Variants in DHX29 observed in about 807,000 individuals in gnomAD.
DHX29 encodes DExH-box helicase 29, also known as ATP-dependent RNA helicase DHX29.
In DHX29, 79 loss-of-function variants were observed where a neutral mutation model predicts 167.9. That is an observed-to-expected ratio of 0.47 (90% CI 0.39 to 0.57). The LOEUF is 0.57. DHX29 is among the 20% of genes least tolerant of loss of function. The probability of loss-of-function intolerance (pLI) is 0.00; values close to 1 mark genes in which losing one functional copy is unlikely to be tolerated. For synonymous variants in DHX29, 530 were observed against 546.0 expected (o/e 0.97, Z 0.41); for missense variants, 1,347 against 1,593.4 (o/e 0.85, Z 2.63).
At position 55,274,916 on chromosome 5, in the gene DHX29, T is replaced by G; in HGVS notation, c.2522A>C (p.Asn841Thr). Residue 841 changes from asparagine to threonine, a missense_variant, in exon 15 of 27, where the codon AAT becomes ACT. This residue lies in a region of DHX29 where 882 missense variants were observed against 1,082.4 expected (regional missense o/e 0.81). Transcript: ENST00000251636. ...GAGATCCAGGTTGATTTTATGAGGATTCATGTATAGAATAGCATGCTGAGT... is the reference window on the plus strand; with the variant it reads ...GAGATCCAGGTTGATTTTATGAGGAGTCATGTATAGAATAGCATGCTGAGT... ...SRTQHAILYM[N>T]PHKINLDLIL... The G allele has an allele frequency of 1.9e-6, 3 of 1,613,798 alleles. No homozygotes were observed. The highest frequency in any genetic ancestry group is 2.5e-6 in the Non-Finnish European group (3 of 1,179,878).
rs1039026852 is a variant in DHX29 at position 55,267,065 on chromosome 5, G to A, written c.3525+73C>T. ...TTACTATGTGACAAGTATTTTCCTAGGCATTCTTTTTTCCAGAATAACTTA... is the reference window on the plus strand; with the variant it reads ...TTACTATGTGACAAGTATTTTCCTAAGCATTCTTTTTTCCAGAATAACTTA... On this transcript the variant is annotated intron_variant, in intron 23 of 26. Transcript: ENST00000251636. 2.5e-5 allele frequency: 24 copies of A among 948,184 alleles called. No individual in the cohort carries two copies. The African/African-American group carries it at 4.0e-4, about 16-fold the overall frequency. The allele number at this position is 948,184 out of a possible 1,614,324, so 58.7% of individuals were successfully genotyped here.
intron 1 of DHX29, among the ~76,000 whole-genome samples, chr5:55,303,213 T>C (rs1005515415): frequency 6.6e-6 from 1 of 152,190 alleles, no homozygotes; most frequent in Non-Finnish European, 1.5e-5. Flanking sequence ...GCAATGCTAA[T>C]GACCCACTAT....
intron 17 of DHX29, 89 bp downstream of exon 17, chr5:55,273,204 A>T: frequency 7.3e-7 from 1 of 1,368,192 alleles, no homozygotes; most frequent in Non-Finnish European, 9.7e-7. Context: ...ACTTAATGTT[A>T]ACAACTGTCT....
intron 16 of DHX29, among the ~76,000 whole-genome samples, chr5:55,274,158 C>A (rs1425162442): frequency 6.6e-6 from 1 of 151,140 alleles, no homozygotes; most frequent in East Asian, 1.9e-4. Flanking sequence ...CTTTGGTAGG[C>A]CATGGTGAGA....
In DHX29 at chr5:55,274,916, T is replaced by C. The variant is rs753829119; in HGVS notation, c.2522A>G (p.Asn841Ser). The C allele has an allele frequency of 3.5e-5, 56 of 1,613,680 alleles. No individual in the cohort carries two copies. The East Asian group carries it at 6.7e-4, about 19-fold the overall frequency. Residue 841 changes from asparagine (N) to serine (S), a missense_variant, in exon 15 of 27, where the codon AAT becomes AGT. By Grantham distance (46) the Asn-to-Ser change is conservative. This residue lies in a region of DHX29 where 882 missense variants were observed against 1,082.4 expected (regional missense o/e 0.81). Coordinates refer to ENST00000251636, the MANE Select transcript of DHX29 (RefSeq NM_019030.4). ...SRTQHAILYM[N>S]PHKINLDLIL... Reference sequence around the variant, plus strand: ...GAGATCCAGGTTGATTTTATGAGGATTCATGTATAGAATAGCATGCTGAGT... The same window carrying C: ...GAGATCCAGGTTGATTTTATGAGGACTCATGTATAGAATAGCATGCTGAGT...
intron 12 of DHX29, among the ~76,000 whole-genome samples, chr5:55,277,786 A>T (rs1747195598): frequency 6.6e-6 from 1 of 151,692 alleles, no homozygotes; most frequent in South Asian, 2.1e-4. Flanking sequence ...TGCACCTGTA[A>T]TCCCAGCTAC....
intron 8 of DHX29, 127 bp downstream of exon 8, chr5:55,289,143 T>TAAAG (rs1469350650): frequency 9.5e-7 from 1 of 1,057,614 alleles, no homozygotes; most frequent in African/African-American, 1.7e-5. Context: ...AGACAGCTTA[T>TAAAG]AAAGTGTAAC....
intron 23 of DHX29, among the ~76,000 whole-genome samples, chr5:55,263,908 T>A (rs1203953933): frequency 2.0e-5 from 3 of 151,024 alleles, no homozygotes; most frequent in Non-Finnish European, 3.0e-5. Context: ...AAAAGCAGTG[T>A]GTCAAATATG....
intron 23 of DHX29, among the ~76,000 whole-genome samples, chr5:55,263,228 T>G (rs1049762028): frequency 6.6e-6 from 1 of 152,144 alleles, no homozygotes; most frequent in Non-Finnish European, 1.5e-5. Context: ...TCTACTTCCA[T>G]AGTAGCTCTC....
In DHX29 at chr5:55,307,457, C is replaced by T. The variant is rs760440700; in HGVS notation, c.117G>A (p.Lys39=). Residue 39 remains lysine (K), a synonymous_variant, in exon 1 of 27, where the codon AAG becomes AAA. Coordinates refer to ENST00000251636, the MANE Select transcript of DHX29 (RefSeq NM_019030.4). ...CGGTGGCCGGCCTGGACACTGGCTT[C>T]TTGCTTTGGGCCTCCCCGGCAATTC... ...EAGIAGEAQS[K]KPVSRPATAA... is the part of the protein sequence containing the mutation. 5 of 1,613,500 alleles carry T rather than the reference C, an allele frequency of 3.1e-6. No homozygotes were observed. The highest frequency in any genetic ancestry group is 4.2e-6 in the Non-Finnish European group (5 of 1,179,956).
chr5:55,289,115 ATTG>A, intron 8 of DHX29, 152 bp downstream of exon 8: 1 of 808,296 alleles, frequency 1.2e-6, no homozygotes, highest in Non-Finnish European at 1.7e-6. Context: ...TGTAATCATA[ATTG>A]TTAATACTTT....
chr5:55,261,609 C>A (rs1286057537), intron 24 of DHX29, 110 bp from the exon 25 acceptor site: 10 of 756,804 alleles, frequency 1.3e-5, no homozygotes, highest in Non-Finnish European at 1.8e-5. Context: ...ACATTTTAAG[C>A]TCAGAGTATT....
At chr5:55,285,990 C>T in intron 8 of DHX29, 129 bp from the exon 9 acceptor site, 1 of 650,926 alleles carries the variant, frequency 1.5e-6, no homozygotes, top group Non-Finnish European at 2.3e-6. Context: ...TGCAGTGGCT[C>T]ATGCCTGTAA....
rs573798098 is a variant in DHX29 at position 55,267,308 on chromosome 5, C to A, written c.3432-77G>T. 5.5e-5 allele frequency: 58 copies of A among 1,047,526 alleles called. 1 individual carries two copies. In the African/African-American group the frequency reaches 8.9e-4, roughly 16 times the overall value. 64.9% of individuals were successfully genotyped at this position (1,047,526 alleles called of 1,614,324 possible). A position where few individuals can be genotyped will look rare whatever the true frequency, so the allele number is the denominator to read the frequency against. On this transcript the variant is annotated intron_variant, in intron 22 of 26. Transcript: ENST00000251636. ...CAAACTCTTTTTCAGAGCTAGTAAC[C>A]AAAGTAAGATTTAATTAAATTATAA...
rs779473278 is a variant in DHX29, at chr5:55,259,960, G to T, written c.3961-16C>A. 1.3e-6 allele frequency: 2 copies of T among 1,491,238 alleles called. No homozygotes were observed. The highest frequency in any genetic ancestry group is 4.5e-5 in the East Asian group (2 of 43,978). 92.4% of individuals were successfully genotyped at this position (1,491,238 alleles called of 1,614,324 possible). On this transcript the variant is annotated splice_polypyrimidine_tract_variant and intron_variant, in intron 25 of 26. Transcript: ENST00000251636. ...TTACAGGGGCCTGTTAAGAGGAGTT[G>T]AAAAAATGGACAAAGTCAATCCAGG...
At chr5:55,288,493 G>C (rs2111922050) in intron 8 of DHX29, among the ~76,000 whole-genome samples, 1 of 151,156 alleles carries the variant, frequency 6.6e-6, no homozygotes, top group African/African-American at 2.4e-5. Flanking sequence ...ATAGTTTTTA[G>C]AAGACCATTC....
At chr5:55,262,584 G>T in intron 24 of DHX29, 46 bp downstream of exon 24, 1 of 1,581,404 alleles carries the variant, frequency 6.3e-7, no homozygotes, top group Non-Finnish European at 8.6e-7. Flanking sequence ...TGAATGACTT[G>T]CAGAATAATG....
chr5:55,261,467 A>G lies in DHX29; in HGVS notation c.3861T>C (p.Thr1287=), dbSNP rs1390339594. 1 of 1,574,360 alleles carries G rather than the reference A, an allele frequency of 6.4e-7. No individual in the cohort carries two copies. Among genetic ancestry groups the G allele is most frequent in the Non-Finnish European group, 8.7e-7 (1 of 1,144,416 alleles). Residue 1287 remains threonine, a synonymous_variant, in exon 25 of 27, where the codon ACT becomes ACC. Transcript: ENST00000251636. ...IRYARVYLRE[T]TLITPFPVLL... ...AAACTGGAAAAGGGGTTATTAGGGTAGTTTCTCTCAAATACACTCTGGCAT... is the reference window on the plus strand; with the variant it reads ...AAACTGGAAAAGGGGTTATTAGGGTGGTTTCTCTCAAATACACTCTGGCAT...
At chr5:55,273,516 A>C in intron 16 of DHX29, 139 bp from the exon 17 acceptor site, 1 of 1,104,324 alleles carries the variant, frequency 9.1e-7, no homozygotes, top group Non-Finnish European at 1.2e-6. Context: ...AAGTGTTTAC[A>C]GAATTGTACA....
Sources: allele counts gnomAD v4.1 joint callset (sites outside exome capture counted in the v4.1 genomes callset), GRCh38; gene constraint gnomAD v4.1.1; regional missense constraint gnomAD v4.1.1; transcripts MANE v1.5; gene names NCBI Gene and HGNC (gene_info 2026-07-23, HGNC 2026-07-21).